The following SEMA5A variants were observed in gnomAD, a reference collection of about 807,000 sequenced individuals.
SEMA5A encodes semaphorin-5A.
SEMA5A carries 55 observed loss-of-function variants against 135.5 expected under a neutral mutation model. The observed-to-expected ratio is 0.41, with a 90% CI of 0.33 to 0.51. SEMA5A has a LOEUF of 0.51. Among genes scored for constraint, SEMA5A ranks in the 20% least tolerant of loss-of-function variants. SEMA5A has a pLI of 0.37. For synonymous variants in SEMA5A, 580 were observed against 546.5 expected (o/e 1.06, Z -0.85); for missense variants, 1,290 against 1,419.9 (o/e 0.91, Z 1.47).
intron 5 of SEMA5A, among the ~76,000 whole-genome samples, chr5:9,283,051 G>A (rs543020858): frequency 5.3e-4 from 80 of 152,220 alleles, no homozygotes; most frequent in African/African-American, 1.8e-3. Flanking sequence ...CATCCAAAAC[G>A]GTAAGATAAT....
At chr5:9,225,568 C>CAAAA (rs3034595) in intron 7 of SEMA5A, among the ~76,000 whole-genome samples, 113 of 112,310 alleles carry the variant, frequency 1.0e-3, no homozygotes, top group African/African-American at 3.7e-3. Context: ...GACTCTGTCT[C>CAAAA]AAAAAAAAAA....
chr5:9,202,973 G>A (rs2150370185), intron 8 of SEMA5A, among the ~76,000 whole-genome samples: 1 of 152,234 alleles, frequency 6.6e-6, no homozygotes, highest in Admixed American at 6.5e-5. Context: ...TTAAAATGGG[G>A]AAACAAAGAA....
At chr5:9,134,260 A>G (rs1741607513) in intron 13 of SEMA5A, among the ~76,000 whole-genome samples, 1 of 152,122 alleles carries the variant, frequency 6.6e-6, no homozygotes, top group Non-Finnish European at 1.5e-5. Flanking sequence ...ATCCTCCCAC[A>G]TCAGCCACCA....
rs1738356842 is a variant in SEMA5A at position 9,545,730 on chromosome 5, AGTT to A, written c.-324_-322del. 1 of 152,338 alleles carries A rather than the reference AGTT, an allele frequency of 6.6e-6. No homozygotes were observed. Among genetic ancestry groups the A allele is most frequent in the Non-Finnish European group, 1.5e-5 (1 of 68,200 alleles). The allele number at this position is 152,338 out of a possible 1,614,324, so 9.4% of individuals were successfully genotyped here. On this transcript the variant is annotated 5_prime_UTR_variant, in exon 1 of 23. Transcript: ENST00000382496. The surrounding 1 kb of genome is among the most constrained non-coding windows in gnomAD (Gnocchi z 4.5). ...CCCCAGAGCCGCCCCCTACTCGCTG[AGTT>A]CCAGAATGGGGGCACCGGCTTGGGG... is the stretch of plus-strand genomic sequence containing the variant.
At chr5:9,144,889 A>G (rs146232465) in intron 12 of SEMA5A, among the ~76,000 whole-genome samples, 2 of 152,332 alleles carry the variant, frequency 1.3e-5, no homozygotes, top group African/African-American at 4.8e-5. Flanking sequence ...CTCCTCTCAG[A>G]CAACATGAAG....
chr5:9,304,135 C>A (rs1321611899), intron 5 of SEMA5A, among the ~76,000 whole-genome samples: 1 of 152,088 alleles, frequency 6.6e-6, no homozygotes, highest in Non-Finnish European at 1.5e-5. Flanking sequence ...ATAATTGGAG[C>A]AGTTTTCTTG....
At chr5:9,154,077 ATATATATATATATATATG>A (rs1254514417) in intron 12 of SEMA5A, among the ~76,000 whole-genome samples, 1 of 72,212 alleles carries the variant, frequency 1.4e-5, no homozygotes, top group African/African-American at 4.1e-5. Context: ...ATATATATAT[ATATATATATATATATATG>A]TGTGTGTGTG....
At chr5:9,296,249 T>C (rs1394786937) in intron 5 of SEMA5A, among the ~76,000 whole-genome samples, 2 of 152,214 alleles carry the variant, frequency 1.3e-5, no homozygotes, top group Non-Finnish European at 1.5e-5. Context: ...ATTAATTTAC[T>C]ATCTGTATAT....
intron 1 of SEMA5A, among the ~76,000 whole-genome samples, chr5:9,528,309 A>G (rs1223608818): frequency 6.6e-6 from 1 of 152,192 alleles, no homozygotes. Context: ...GTCCTAGGGC[A>G]GCCTGGCTTC....
chr5:9,189,511 A>T (rs958555386), intron 11 of SEMA5A, among the ~76,000 whole-genome samples: 4 of 152,166 alleles, frequency 2.6e-5, no homozygotes, highest in East Asian at 1.9e-4. Context: ...AGTAATCGTG[A>T]TCCATGAGAA....
intron 3 of SEMA5A, among the ~76,000 whole-genome samples, chr5:9,359,522 T>C (rs972310779): frequency 6.6e-6 from 1 of 152,196 alleles, no homozygotes; most frequent in African/African-American, 2.4e-5. Context: ...ATAACCAGAC[T>C]GAAGCTGAGT....
intron 2 of SEMA5A, among the ~76,000 whole-genome samples, chr5:9,398,029 C>T (rs1022681305): frequency 6.6e-6 from 1 of 152,188 alleles, no homozygotes; most frequent in Non-Finnish European, 1.5e-5. Context: ...ACGCTATCAT[C>T]TTCAGAGAAA....
intron 3 of SEMA5A, among the ~76,000 whole-genome samples, chr5:9,342,302 T>C (rs1753687408): frequency 6.6e-6 from 1 of 152,166 alleles, no homozygotes; most frequent in Admixed American, 6.5e-5. Flanking sequence ...CCACTCCACA[T>C]GCTAACACCT....
intron 8 of SEMA5A, among the ~76,000 whole-genome samples, chr5:9,205,461 T>C (rs1745962193): frequency 6.6e-6 from 1 of 152,106 alleles, no homozygotes; most frequent in African/African-American, 2.4e-5. Flanking sequence ...TAAATGACTT[T>C]CACGAGGTCA....
intron 2 of SEMA5A, among the ~76,000 whole-genome samples, chr5:9,383,472 A>G (rs1755701829): frequency 1.3e-5 from 2 of 152,162 alleles, no homozygotes; most frequent in African/African-American, 4.8e-5. Context: ...TCCTTAATAC[A>G]TGCTAGCTCT....
rs746290525 is a variant in SEMA5A, at chr5:9,318,394, A to T, written c.248T>A (p.Leu83His). The T allele has an allele frequency of 2.5e-6, 4 of 1,612,660 alleles. No homozygotes were observed. In the African/African-American group the frequency reaches 5.3e-5, roughly 22 times the overall value. ...GARNYLFRLQ[L>H]EDLSLIQAVE... ...TACCTGGATAAGAGACAGATCCTCA[A>T]GCTGTAACCTGAAGAGGTAGTTTCT... The change falls in exon 5 of 23, where the codon CTT becomes CAT. Residue 83 changes from leucine (L) to histidine (H), a missense_variant. This residue lies in a region of SEMA5A where 116 missense variants were observed against 121.3 expected (regional missense o/e 0.96). Coordinates refer to ENST00000382496, the MANE Select transcript of SEMA5A (RefSeq NM_003966.3).
At chr5:9,513,658 A>G (rs1279135555) in intron 1 of SEMA5A, among the ~76,000 whole-genome samples, 1 of 152,210 alleles carries the variant, frequency 6.6e-6, no homozygotes, top group Non-Finnish European at 1.5e-5. Context: ...ATGCCAAGCA[A>G]CTAAAGATTC....
Position 9,354,681 on chromosome 5 carries a change from G to C in SEMA5A, c.125-16869C>G, listed in dbSNP as rs148333738. On this transcript the variant is annotated intron_variant, in intron 3 of 22. Transcript: ENST00000382496. Reference sequence around the variant, plus strand: ...TGTTCCTCTCATTGAATGCTTATCCGAATGAGGGAGGCAGAATCAATGAAA... The same window carrying C: ...TGTTCCTCTCATTGAATGCTTATCCCAATGAGGGAGGCAGAATCAATGAAA... Among the ~76,000 whole-genome samples, 52 of 152,290 alleles carry C rather than the reference G, an allele frequency of 3.4e-4. 1 individual carries two copies. The highest frequency in any genetic ancestry group is 9.9e-4 in the African/African-American group (41 of 41,550).
At chr5:9,157,406 C>G (rs1193307572) in intron 11 of SEMA5A, among the ~76,000 whole-genome samples, 1 of 152,206 alleles carries the variant, frequency 6.6e-6, no homozygotes, top group Non-Finnish European at 1.5e-5. Flanking sequence ...ACAGGCCTCC[C>G]TGACTCTCCA....
Sources: gnomAD v4.1 joint callset for allele counts (sites outside exome capture counted in the v4.1 genomes callset) on GRCh38, gnomAD v4.1.1 for gene constraint, gnomAD v4.1.1 regional missense constraint, Gnocchi (gnomAD v3.1) non-coding constraint, MANE v1.5 for transcripts, NCBI Gene and HGNC (gene_info 2026-07-23, HGNC 2026-07-21) for gene names.